The following MAGI2 variants were observed in gnomAD, a reference collection of about 807,000 sequenced individuals.
MAGI2 encodes the protein membrane associated guanylate kinase, WW and PDZ domain containing 2.
In MAGI2, 35 loss-of-function variants were observed where a neutral mutation model predicts 133.3. That is an observed-to-expected ratio of 0.26 (90% CI 0.20 to 0.35). The LOEUF is 0.35. Among genes scored for constraint, MAGI2 ranks in the 10% least tolerant of loss-of-function variants. MAGI2 has a pLI of 1.00. For missense variants in MAGI2, 1,636 were observed against 1,863.4 expected (o/e 0.88, Z 2.25); for synonymous variants, 729 against 710.6 (o/e 1.03, Z -0.41).
intron 1 of MAGI2, among the ~76,000 whole-genome samples, chr7:79,368,126 T>G (rs1403763780): frequency 1.3e-5 from 2 of 151,952 alleles, no homozygotes; most frequent in Non-Finnish European, 2.9e-5. Context: ...ATATACTATT[T>G]AGACCAAAAG....
chr7:78,945,630 A>G (rs1463746055), intron 2 of MAGI2, among the ~76,000 whole-genome samples: 2 of 152,158 alleles, frequency 1.3e-5, no homozygotes, highest in Non-Finnish European at 2.9e-5. Flanking sequence ...TAATAAAGCA[A>G]ACAAGGCCCT....
rs555828239 is a variant in MAGI2, at chr7:78,824,668, A to G, written c.418+182422T>C. Among the ~76,000 whole-genome samples, 7 of 152,160 alleles carry G rather than the reference A, an allele frequency of 4.6e-5. No homozygotes were observed. The South Asian group carries it at 1.5e-3, about 32-fold the overall frequency. On this transcript the variant is annotated intron_variant, in intron 2 of 21. Transcript: ENST00000354212. ...TTTAAGTTCCTTGTAGATTCTGGAT[A>G]TTAGACCTTTGTCAGATGAGTAGAT... is the stretch of plus-strand genomic sequence containing the variant.
At chr7:79,125,562 C>A in intron 1 of MAGI2, 1 of 507,274 alleles carries the variant, frequency 2.0e-6, no homozygotes. Context: ...GCAGCTATAA[C>A]AGCTGTATCA....
At chr7:79,353,408 A>G (rs915970332) in intron 1 of MAGI2, 1 of 453,576 alleles carries the variant, frequency 2.2e-6, no homozygotes, top group Non-Finnish European at 4.4e-6. Context: ...AGATCCCTTA[A>G]TCAACAACTC....
intron 1 of MAGI2, among the ~76,000 whole-genome samples, chr7:79,144,064 A>C (rs1368663688): frequency 1.3e-5 from 2 of 152,152 alleles, no homozygotes; most frequent in Non-Finnish European, 2.9e-5. Flanking sequence ...GCTTTTTGCC[A>C]TTTCCTCATC....
At chr7:79,217,886 T>G (rs1830144988) in intron 1 of MAGI2, among the ~76,000 whole-genome samples, 2 of 152,038 alleles carry the variant, frequency 1.3e-5, no homozygotes, top group African/African-American at 4.8e-5. Flanking sequence ...AATGTAGTTG[T>G]TTCCTTTGCT....
rs572527703 is a variant in MAGI2, at chr7:78,295,472, CCT to C, written c.1409-38893_1409-38892del. Among the ~76,000 whole-genome samples the C allele has an allele frequency of 6.6e-5, 10 of 152,298 alleles. No homozygotes were observed. The South Asian group carries it at 1.0e-3, about 16-fold the overall frequency. ...AAGTTTAAAAGAATCTCTCACATGACCTCTGAGGGTGTGAAATCTTATTCAGC... is the reference window on the plus strand; with the variant it reads ...AAGTTTAAAAGAATCTCTCACATGACCTGAGGGTGTGAAATCTTATTCAGC... On this transcript the variant is annotated intron_variant, in intron 9 of 21. Coordinates refer to ENST00000354212, the MANE Select transcript of MAGI2 (RefSeq NM_012301.4).
intron 1 of MAGI2, among the ~76,000 whole-genome samples, chr7:79,181,863 A>C (rs934761259): frequency 2.6e-5 from 4 of 151,994 alleles, no homozygotes; most frequent in Admixed American, 1.3e-4. Flanking sequence ...CTCAAGTTTG[A>C]TGTTCCACAA....
intron 2 of MAGI2, among the ~76,000 whole-genome samples, chr7:78,739,863 G>C (rs9656182): frequency 0.015 from 2,355 of 152,152 alleles, 60 homozygotes; most frequent in African/African-American, 0.052. Context: ...CTTAGTAAGC[G>C]TGTATGATAA....
rs528718351 is a variant in MAGI2, at chr7:78,534,798, A to G, written c.539-13153T>C. 3.9e-5 allele frequency among the ~76,000 whole-genome samples: 6 copies of G among 152,278 alleles called. No homozygotes were observed. The East Asian group carries it at 1.2e-3, about 29-fold the overall frequency. On this transcript the variant is annotated intron_variant, in intron 3 of 21. Coordinates refer to ENST00000354212, the MANE Select transcript of MAGI2 (RefSeq NM_012301.4). ...GGGAGCAAGTAGAGTCAGTGAAGGA[A>G]AGGCTCCTCCATAGCACTGATGTCT...
chr7:78,945,411 A>C (rs1801338639), intron 2 of MAGI2, among the ~76,000 whole-genome samples: 1 of 152,186 alleles, frequency 6.6e-6, no homozygotes, highest in Middle Eastern at 3.2e-3. Flanking sequence ...ATAATGTACA[A>C]AATAATATTT....
intron 3 of MAGI2, among the ~76,000 whole-genome samples, chr7:78,572,809 T>C (rs1487257561): frequency 6.6e-6 from 1 of 151,458 alleles, no homozygotes; most frequent in African/African-American, 2.4e-5. Flanking sequence ...ATTACAGGCA[T>C]GTGCCACCAT....
intron 6 of MAGI2, among the ~76,000 whole-genome samples, chr7:78,423,412 C>T (rs1798980972): frequency 6.6e-6 from 1 of 152,140 alleles, no homozygotes; most frequent in Non-Finnish European, 1.5e-5. Flanking sequence ...TGCCCAGTCT[C>T]AGGAATGATT....
intron 3 of MAGI2, among the ~76,000 whole-genome samples, chr7:78,573,607 T>C (rs997012636): frequency 1.3e-5 from 2 of 150,674 alleles, no homozygotes; most frequent in African/African-American, 4.9e-5. Context: ...ATTTGTTTCC[T>C]TTGGATTTAC....
At chr7:78,131,127 C>G (rs987253247) in intron 18 of MAGI2, among the ~76,000 whole-genome samples, 1 of 152,212 alleles carries the variant, frequency 6.6e-6, no homozygotes, top group African/African-American at 2.4e-5. Context: ...CAAGTCCTTC[C>G]TCTTGAGTCT....
At chr7:78,387,326 T>C (rs187264177) in intron 6 of MAGI2, among the ~76,000 whole-genome samples, 61 of 152,174 alleles carry the variant, frequency 4.0e-4, no homozygotes, top group African/African-American at 1.4e-3. Flanking sequence ...CAGGTGTAAG[T>C]CCTACTACAG....
intron 1 of MAGI2, among the ~76,000 whole-genome samples, chr7:79,057,853 T>C (rs1813296700): frequency 6.6e-6 from 1 of 152,028 alleles, no homozygotes; most frequent in African/African-American, 2.4e-5. Flanking sequence ...GGAAGAAAGA[T>C]GGGAGATAAG....
In MAGI2 at chr7:78,975,732, C is replaced by T. The variant is rs1284158271; in HGVS notation, c.418+31358G>A. 7.3e-5 allele frequency among the ~76,000 whole-genome samples: 11 copies of T among 151,294 alleles called. No homozygotes were observed. The East Asian group carries it at 2.0e-3, about 27-fold the overall frequency. On this transcript the variant is annotated intron_variant, in intron 2 of 21. Transcript: ENST00000354212. ...GAGAAAATCAATGGGAACTAAAGCT[C>T]GTTCTTTGGAAAGATAAACAAAATG... is the stretch of plus-strand genomic sequence containing the variant.
chr7:79,402,144 TA>T (rs1845509006), intron 1 of MAGI2, among the ~76,000 whole-genome samples: 1 of 152,132 alleles, frequency 6.6e-6, no homozygotes, highest in Non-Finnish European at 1.5e-5. Flanking sequence ...GTTCTTTTTT[TA>T]AGGCTCTATA....
Sources: allele counts gnomAD v4.1 joint callset (sites outside exome capture counted in the v4.1 genomes callset), GRCh38; gene constraint gnomAD v4.1.1; transcripts MANE v1.5; gene names NCBI Gene and HGNC (gene_info 2026-07-23, HGNC 2026-07-21).